Variants in TIPIN observed in about 807,000 individuals in gnomAD.
TIPIN encodes TIMELESS-interacting protein.
Under a neutral mutation model 35.6 loss-of-function variants are expected in TIPIN, and 29 were observed. That is an observed-to-expected ratio of 0.82 (90% CI 0.61 to 1.11). The LOEUF (loss-of-function observed/expected upper bound fraction) is 1.11, where lower values mean the gene tolerates loss of function less well. Among genes scored for constraint, TIPIN ranks in the 50% most tolerant of loss-of-function variants. The pLI, the probability that TIPIN is intolerant of heterozygous loss-of-function variation, is 0.00. For missense variants in TIPIN, 296 were observed against 345.4 expected, an observed-to-expected ratio of 0.86 and a Z score of 1.13; for synonymous variants, 102 against 121.5, an observed-to-expected ratio of 0.84 and a Z score of 1.06.
At chr15:66,371,642 T>G (rs2093278113) in intron 1 of TIPIN, among the ~76,000 whole-genome samples, 1 of 151,716 alleles carries the variant, frequency 6.6e-6, no homozygotes. Flanking sequence ...GCCTCCTGAG[T>G]AGCTGGGACT....
chr15:66,383,947 C>T (rs1286193823), intron 1 of TIPIN, among the ~76,000 whole-genome samples: 1 of 152,144 alleles, frequency 6.6e-6, no homozygotes, highest in Non-Finnish European at 1.5e-5. Context: ...CCCATAACAT[C>T]ATGTTACAAA....
At chr15:66,375,630 G>A (rs1443307134) in intron 1 of TIPIN, among the ~76,000 whole-genome samples, 1 of 150,422 alleles carries the variant, frequency 6.6e-6, no homozygotes, top group Non-Finnish European at 1.5e-5. Flanking sequence ...CTTGAGGTCA[G>A]GAGTTTGAGA....
At chr15:66,339,131 C>CAAAAAAA (rs35065958) in intron 7 of TIPIN, among the ~76,000 whole-genome samples, 4 of 20,572 alleles carry the variant, frequency 1.9e-4, no homozygotes, top group African/African-American at 1.1e-3. Flanking sequence ...GACTCCATCT[C>CAAAAAAA]AAAAAAAAAA....
intron 1 of TIPIN, among the ~76,000 whole-genome samples, chr15:66,362,765 C>T (rs1595809724): frequency 6.6e-6 from 1 of 152,228 alleles, no homozygotes; most frequent in East Asian, 1.9e-4. Flanking sequence ...GAAATGGAGT[C>T]TCTTAAAACC....
At chr15:66,349,489 C>T (rs367998063) in intron 4 of TIPIN, 52 bp from the exon 5 acceptor site, 4 of 1,576,434 alleles carry the variant, frequency 2.5e-6, no homozygotes, top group East Asian at 4.5e-5. Flanking sequence ...TCACAGCTGA[C>T]CCCGTCAGCA....
At chr15:66,344,180 C>T (rs2414902) in intron 6 of TIPIN, among the ~76,000 whole-genome samples, 28,324 of 151,970 alleles carry the variant, frequency 0.19, 3,345 homozygotes, top group Middle Eastern at 0.29. Context: ...TCACTCCAGC[C>T]TCAAACTCCT....
At chr15:66,348,782 C>CA (rs1235662125) in intron 6 of TIPIN, among the ~76,000 whole-genome samples, 2 of 151,012 alleles carry the variant, frequency 1.3e-5, no homozygotes, top group Non-Finnish European at 3.0e-5. Flanking sequence ...CCCATCTCTA[C>CA]AAAAATTTTA....
chr15:66,374,572 G>T (rs115008968), intron 1 of TIPIN, among the ~76,000 whole-genome samples: 9,254 of 151,082 alleles, frequency 0.061, 955 homozygotes, highest in African/African-American at 0.21. Flanking sequence ...AATTTTTTTT[G>T]TTTGTTTGTT....
intron 1 of TIPIN, chr15:66,371,372 T>C (rs2093277102): frequency 2.0e-6 from 2 of 985,084 alleles, no homozygotes; most frequent in Admixed American, 6.2e-5. Context: ...AGTGTTTTAA[T>C]GTGAGAAAGG....
intron 6 of TIPIN, among the ~76,000 whole-genome samples, chr15:66,345,218 A>C (rs896914047): frequency 1.3e-5 from 2 of 152,048 alleles, no homozygotes; most frequent in Admixed American, 6.6e-5. Context: ...GTACAAGGGA[A>C]GAGTGTTCCA....
At chr15:66,372,738 A>G (rs1204879177) in intron 1 of TIPIN, among the ~76,000 whole-genome samples, 1 of 152,036 alleles carries the variant, frequency 6.6e-6, no homozygotes, top group Non-Finnish European at 1.5e-5. Context: ...CTCTGTCTCT[A>G]CTAAGAATAC....
At position 66,337,016 on chromosome 15, in the gene TIPIN, A is replaced by G. The variant is rs201129710; in HGVS notation, c.848T>C (p.Phe283Ser). The change falls in exon 8 of 8, where the codon TTT becomes TCT. Residue 283 changes from phenylalanine to serine, a missense_variant. Transcript: ENST00000261881. ...NEEETLLDQSFKNVQQQLDAT... is the reference protein window; with the variant it reads ...NEEETLLDQSSKNVQQQLDAT... ...ATCAAGTTGCTGTTGCACATTTTTA[A>G]AAGACTGGTCCAGCAGTGTTTCCTC... 3.7e-4 allele frequency: 596 copies of G among 1,613,768 alleles called. 2 individuals carry two copies. Among genetic ancestry groups the G allele is most frequent in the Non-Finnish European group, 4.7e-4 (553 of 1,179,832 alleles).
intron 6 of TIPIN, among the ~76,000 whole-genome samples, chr15:66,345,190 G>A (rs1267472127): frequency 3.3e-5 from 5 of 152,112 alleles, no homozygotes; most frequent in Non-Finnish European, 7.4e-5. Context: ...GTGTAAGACA[G>A]TCATGCGGAC....
chr15:66,350,245 G>A lies in TIPIN; in HGVS notation c.289-808C>T, dbSNP rs1373667177. The stretch of plus-strand genomic sequence containing the variant: ...TCCCAAAGTGCTGGGATTACAGCAT[G>A]AGCCATAGCACCCCGCCTGGATACA... On this transcript the variant is annotated intron_variant, in intron 4 of 7. Coordinates refer to ENST00000261881, the MANE Select transcript of TIPIN (RefSeq NM_017858.3). 3.3e-5 allele frequency among the ~76,000 whole-genome samples: 5 copies of A among 151,976 alleles called. No homozygotes were observed. The East Asian group carries it at 7.8e-4, about 24-fold the overall frequency.
intron 1 of TIPIN, among the ~76,000 whole-genome samples, chr15:66,361,960 C>A (rs2093233328): frequency 6.6e-6 from 1 of 151,826 alleles, no homozygotes; most frequent in Admixed American, 6.6e-5. Context: ...GCCTGGGCAA[C>A]AGAGCCAGAC....
chr15:66,339,090 C>A (rs1405990610), intron 7 of TIPIN, among the ~76,000 whole-genome samples: 2 of 135,710 alleles, frequency 1.5e-5, no homozygotes, highest in Non-Finnish European at 3.1e-5. Flanking sequence ...CAAGATCACG[C>A]CACTGCACTC....
At chr15:66,351,629 A>C in intron 3 of TIPIN, 29 bp from the exon 4 acceptor site, 1 of 1,527,962 alleles carries the variant, frequency 6.5e-7, no homozygotes, top group Non-Finnish European at 8.9e-7. Context: ...TTTTAATTTC[A>C]AGTTTTATTT....
At chr15:66,359,174 G>C (rs199510030), upstream of TIPIN, among the ~76,000 whole-genome samples, 199 of 134,838 alleles carry the variant, frequency 1.5e-3, no homozygotes, top group Middle Eastern at 7.8e-3. Context: ...CACACACACA[G>C]ACACACACAC....
At position 66,336,727 on chromosome 15, in the gene TIPIN, C is replaced by A; in HGVS notation, c.*231G>T. ...AGCAGCAGAAACTGCTTATTACCTCCTAATCATTTTATGAAGAAATACCTA... is the reference window on the plus strand; with the variant it reads ...AGCAGCAGAAACTGCTTATTACCTCATAATCATTTTATGAAGAAATACCTA... On this transcript the variant is annotated 3_prime_UTR_variant, in exon 8 of 8. Coordinates refer to ENST00000261881, the MANE Select transcript of TIPIN (RefSeq NM_017858.3). 2.1e-6 allele frequency: 1 copy of A among 465,894 alleles called. No individual in the cohort carries two copies. Among genetic ancestry groups the A allele is most frequent in the South Asian group, 2.7e-5 (1 of 37,494 alleles). 28.9% of individuals were successfully genotyped at this position (465,894 alleles called of 1,614,324 possible). A position where few individuals can be genotyped will look rare whatever the true frequency, so the allele number is the denominator to read the frequency against.
Sources: allele counts gnomAD v4.1 joint callset (sites outside exome capture counted in the v4.1 genomes callset), GRCh38; gene constraint gnomAD v4.1.1; transcripts MANE v1.5; gene names NCBI Gene and HGNC (gene_info 2026-07-23, HGNC 2026-07-21).